The following STK32A variants were observed in gnomAD, a reference collection of about 807,000 sequenced individuals.
The protein encoded by STK32A is serine/threonine kinase 32A, also known as serine/threonine-protein kinase 32A.
A neutral mutation model predicts 53.2 loss-of-function variants in STK32A; 41 were observed. The observed-to-expected ratio is 0.77, with a 90% CI of 0.60 to 1.00. The LOEUF (loss-of-function observed/expected upper bound fraction) is 1.00. Ranked by LOEUF, STK32A falls within the 50% of genes least tolerant of loss-of-function variation. The pLI is 0.00. For missense variants in STK32A, 458 were observed against 485.8 expected, an observed-to-expected ratio of 0.94 and a Z score of 0.54; for synonymous variants, 166 against 162.8, an observed-to-expected ratio of 1.02 and a Z score of -0.15.
chr5:147,296,146 A>T (rs1297978316), intron 4 of STK32A, among the ~76,000 whole-genome samples: 1 of 152,252 alleles, frequency 6.6e-6, no homozygotes, highest in East Asian at 1.9e-4. Context: ...GTGAATCTGT[A>T]TGTGTCTGCA....
chr5:147,263,439 C>G (rs899691337), intron 2 of STK32A, among the ~76,000 whole-genome samples: 2 of 152,008 alleles, frequency 1.3e-5, no homozygotes, highest in African/African-American at 4.8e-5. Flanking sequence ...TCTAATATGA[C>G]TGATAGAGAC....
At chr5:147,272,411 C>A (rs1581022653) in intron 2 of STK32A, among the ~76,000 whole-genome samples, 2 of 152,118 alleles carry the variant, frequency 1.3e-5, no homozygotes, top group East Asian at 3.9e-4. Flanking sequence ...CAAAATCCAT[C>A]AATAAGTTAA....
intron 2 of STK32A, among the ~76,000 whole-genome samples, chr5:147,267,123 TA>T (rs1449001165): frequency 6.6e-6 from 1 of 152,144 alleles, no homozygotes; most frequent in African/African-American, 2.4e-5. Context: ...CAGTAATAAT[TA>T]TACATTATTG....
chr5:147,383,674 AT>A (rs1757541812), intron 12 of STK32A, among the ~76,000 whole-genome samples, 169 bp downstream of exon 12: 1 of 152,184 alleles, frequency 6.6e-6, no homozygotes, highest in Non-Finnish European at 1.5e-5. Context: ...GGTATTTAAC[AT>A]TTTTTAATTG....
intron 2 of STK32A, among the ~76,000 whole-genome samples, chr5:147,259,189 G>T (rs1320996778): frequency 3.9e-5 from 6 of 152,168 alleles, no homozygotes; most frequent in African/African-American, 1.2e-4. Context: ...TAACAGAATA[G>T]CCCCATACTT....
intron 4 of STK32A, among the ~76,000 whole-genome samples, chr5:147,295,483 G>A (rs895974767): frequency 1.3e-5 from 2 of 152,200 alleles, no homozygotes; most frequent in Non-Finnish European, 2.9e-5. Context: ...CAGAAGGCAC[G>A]GTGGCTTTCA....
intron 2 of STK32A, among the ~76,000 whole-genome samples, chr5:147,270,580 C>T (rs1321108897): frequency 1.3e-5 from 2 of 152,086 alleles, no homozygotes; most frequent in African/African-American, 2.4e-5. Context: ...ATATGTTAAA[C>T]AGAGTTAATT....
intron 2 of STK32A, among the ~76,000 whole-genome samples, chr5:147,256,228 T>C (rs1754230514): frequency 6.6e-6 from 1 of 152,334 alleles, no homozygotes; most frequent in African/African-American, 2.4e-5. Flanking sequence ...TGAGAGACAC[T>C]AAGTGAACTA....
intron 5 of STK32A, among the ~76,000 whole-genome samples, chr5:147,337,429 C>T (rs566080744): frequency 1.5e-4 from 23 of 152,194 alleles, no homozygotes; most frequent in Non-Finnish European, 2.4e-4. Context: ...GTAAATGTGG[C>T]GCATCTGGCA....
intron 2 of STK32A, among the ~76,000 whole-genome samples, chr5:147,245,662 G>A (rs1417887135): frequency 6.6e-6 from 1 of 152,202 alleles, no homozygotes; most frequent in East Asian, 1.9e-4. Flanking sequence ...AGTTGGCTTA[G>A]TTAAATCAAG....
Position 147,375,079 on chromosome 5 carries a change from C to CA in STK32A, c.904-11_904-10insA. 4 of 1,595,540 alleles carry CA rather than the reference C, an allele frequency of 2.5e-6. 1 individual carries two copies. The South Asian group carries it at 4.6e-5, about 18-fold the overall frequency. ...GTAATCTGAGGATTGAGCCAACTGT[C>CA]TTCCTTGCAGAAAGGCAGGCTGAAT... On this transcript the variant is annotated splice_polypyrimidine_tract_variant and intron_variant, in intron 10 of 12. Transcript: ENST00000397936.
At chr5:147,242,828 C>T (rs78737544) in intron 2 of STK32A, among the ~76,000 whole-genome samples, 2 of 152,114 alleles carry the variant, frequency 1.3e-5, no homozygotes, top group Admixed American at 1.3e-4. Flanking sequence ...AAATTCAGTA[C>T]ATTTTGTAAA....
chr5:147,389,714 C>A (rs1581164710), downstream of STK32A, among the ~76,000 whole-genome samples: 1 of 151,918 alleles, frequency 6.6e-6, no homozygotes. Flanking sequence ...ACTGAAAATA[C>A]AAAAAATTAG....
intron 5 of STK32A, chr5:147,342,455 C>T (rs73797660): frequency 3.3e-5 from 5 of 153,100 alleles, no homozygotes; most frequent in African/African-American, 1.2e-4. Flanking sequence ...TCTGTGTTGT[C>T]TGAGTGCACT....
At chr5:147,241,314 TA>T (rs1354260608) in intron 2 of STK32A, among the ~76,000 whole-genome samples, 1 of 152,060 alleles carries the variant, frequency 6.6e-6, no homozygotes. Context: ...CCGTCTCTAC[TA>T]AAAAATACAA....
intron 5 of STK32A, among the ~76,000 whole-genome samples, chr5:147,325,325 A>G (rs1036586349): frequency 6.6e-6 from 1 of 151,516 alleles, no homozygotes; most frequent in African/African-American, 2.4e-5. Context: ...ATATATATAT[A>G]TATATATTAG....
intron 4 of STK32A, among the ~76,000 whole-genome samples, chr5:147,320,810 C>T (rs1032531908): frequency 8.6e-5 from 13 of 150,616 alleles, no homozygotes; most frequent in East Asian, 3.9e-4. Context: ...CTGAAGGGGG[C>T]GTGAATTGCT....
At chr5:147,347,485 T>C (rs988393188) in intron 6 of STK32A, among the ~76,000 whole-genome samples, 1 of 152,176 alleles carries the variant, frequency 6.6e-6, no homozygotes, top group Non-Finnish European at 1.5e-5. Context: ...GGAGACATTT[T>C]TGATTATCAG....
intron 4 of STK32A, among the ~76,000 whole-genome samples, chr5:147,280,175 G>A (rs989758356): frequency 6.6e-5 from 10 of 152,158 alleles, no homozygotes; most frequent in Non-Finnish European, 8.8e-5. Flanking sequence ...GGAGAGGAGC[G>A]GGGGTAAAAT....
Sources: allele counts gnomAD v4.1 joint callset (sites outside exome capture counted in the v4.1 genomes callset), GRCh38; gene constraint gnomAD v4.1.1; transcripts MANE v1.5; gene names NCBI Gene and HGNC (gene_info 2026-07-23, HGNC 2026-07-21).